Variants in NAV2 observed in about 807,000 individuals in gnomAD.
NAV2 encodes the protein helicase, APC down-regulated 1.
A neutral mutation model predicts 223.2 loss-of-function variants in NAV2; 54 were observed. The ratio of observed to expected loss-of-function variants is 0.24; its 90% confidence interval spans 0.19 to 0.30. The LOEUF (loss-of-function observed/expected upper bound fraction) is 0.30, where lower values mean the gene tolerates loss of function less well. Ranked by LOEUF, NAV2 falls within the 10% of genes least tolerant of loss-of-function variation. The pLI is 1.00. For synonymous variants in NAV2, 1,279 were observed against 1,239.3 expected, an observed-to-expected ratio of 1.03 and a Z score of -0.67; for missense variants, 2,806 against 3,147.5, an observed-to-expected ratio of 0.89 and a Z score of 2.60.
intron 1 of NAV2, among the ~76,000 whole-genome samples, chr11:19,382,175 C>A (rs1237710549): frequency 6.6e-6 from 1 of 152,152 alleles, no homozygotes; most frequent in African/African-American, 2.4e-5. Flanking sequence ...CTGAATGGCG[C>A]CTGAGGGGGA....
chr11:19,838,698 A>C (rs1415111491), intron 2 of NAV2, among the ~76,000 whole-genome samples: 1 of 152,238 alleles, frequency 6.6e-6, no homozygotes, highest in East Asian at 1.9e-4. Flanking sequence ...ATCTTGGCTC[A>C]CTGAGGCCTC....
At chr11:19,956,357 G>GACACAC (rs1175384430) in intron 10 of NAV2, among the ~76,000 whole-genome samples, 2 of 144,602 alleles carry the variant, frequency 1.4e-5, no homozygotes, top group African/African-American at 5.0e-5. Context: ...CCACACCCCC[G>GACACAC]ACACACATAC....
intron 11 of NAV2, among the ~76,000 whole-genome samples, chr11:19,994,929 C>A (rs1275075999): frequency 6.6e-6 from 1 of 152,222 alleles, no homozygotes; most frequent in African/African-American, 2.4e-5. Context: ...CCAGTGACTA[C>A]TCTCTGTCCT....
chr11:19,693,551 C>T (rs1295144718), intron 1 of NAV2, among the ~76,000 whole-genome samples: 1 of 152,198 alleles, frequency 6.6e-6, no homozygotes, highest in Non-Finnish European at 1.5e-5. Context: ...ATTTAGAAAA[C>T]ATTGCCCTTG....
upstream of NAV2, among the ~76,000 whole-genome samples, chr11:19,348,610 C>T (rs1411896626): frequency 1.3e-5 from 2 of 152,190 alleles, no homozygotes; most frequent in Admixed American, 6.5e-5. Flanking sequence ...ACAGCATGCC[C>T]TTAACAGAGA....
intron 6 of NAV2, among the ~76,000 whole-genome samples, chr11:19,911,355 G>A (rs1338092039): frequency 5.3e-5 from 8 of 152,172 alleles, no homozygotes; most frequent in South Asian, 2.1e-4. Context: ...TAAGGAAAGC[G>A]TATTCTAGAC....
At chr11:19,401,826 T>C (rs1849699155) in intron 1 of NAV2, 2 of 152,224 alleles carry the variant, frequency 1.3e-5, no homozygotes, top group African/African-American at 4.8e-5. Flanking sequence ...CAGACCACTC[T>C]GAAAATTTAA....
chr11:19,911,576 C>T (rs12290496), intron 6 of NAV2, among the ~76,000 whole-genome samples: 9,715 of 152,166 alleles, frequency 0.064, 1,051 homozygotes, highest in African/African-American at 0.22. Flanking sequence ...ATTGAGAGGA[C>T]GGTGGCCAAA....
chr11:19,973,440 G>A (rs900003519), intron 10 of NAV2, among the ~76,000 whole-genome samples: 2 of 152,202 alleles, frequency 1.3e-5, no homozygotes, highest in South Asian at 4.1e-4. Flanking sequence ...TGATTGGCAG[G>A]TGTGTTTCAG....
At chr11:19,935,864 T>TTTTTTG (rs2045834188) in intron 7 of NAV2, among the ~76,000 whole-genome samples, 7 of 101,154 alleles carry the variant, frequency 6.9e-5, no homozygotes, top group African/African-American at 2.4e-4. Context: ...TTTTTTTTTT[T>TTTTTTG]TTTTTTTTTT....
At chr11:20,010,580 T>C (rs1417738433) in intron 11 of NAV2, among the ~76,000 whole-genome samples, 1 of 152,168 alleles carries the variant, frequency 6.6e-6, no homozygotes, top group Non-Finnish European at 1.5e-5. Flanking sequence ...CAGCTTTAAA[T>C]GTCCTTGGAT....
chr11:19,562,780 G>A (rs1323227959), intron 1 of NAV2, among the ~76,000 whole-genome samples: 2 of 152,180 alleles, frequency 1.3e-5, no homozygotes, highest in Admixed American at 1.3e-4. Flanking sequence ...ATGTCTCCTA[G>A]TCTATAGATC....
rs1453348447 is a variant in NAV2 at position 19,957,387 on chromosome 11, AG to A, written c.2645+8309del. ...GGTCTCTTTTCCTAAGCAGCTCTCT[AG>A]GTAGAGTGAGCAAGCGCAGAGTCAT... is the stretch of plus-strand genomic sequence containing the variant. On this transcript the variant is annotated intron_variant, in intron 10 of 37. Coordinates refer to ENST00000349880, the MANE Select transcript of NAV2 (RefSeq NM_145117.5). Among the ~76,000 whole-genome samples, 110 of 152,324 alleles carry A rather than the reference AG, an allele frequency of 7.2e-4. 1 individual carries two copies. Among genetic ancestry groups the A allele is most frequent in the African/African-American group, 2.6e-3 (107 of 41,576 alleles).
intron 1 of NAV2, among the ~76,000 whole-genome samples, chr11:19,531,598 A>G (rs961331272): frequency 6.6e-6 from 1 of 152,214 alleles, no homozygotes; most frequent in Non-Finnish European, 1.5e-5. Context: ...GGCCTGAACA[A>G]CTGGAGGGAT....
At chr11:19,449,267 A>T (rs1851700726) in intron 1 of NAV2, among the ~76,000 whole-genome samples, 1 of 152,012 alleles carries the variant, frequency 6.6e-6, no homozygotes, top group Admixed American at 6.6e-5. Context: ...AACACTCCCC[A>T]AGAGAAGATT....
At chr11:19,659,455 T>G (rs1157350318) in intron 1 of NAV2, among the ~76,000 whole-genome samples, 1 of 152,154 alleles carries the variant, frequency 6.6e-6, no homozygotes, top group Non-Finnish European at 1.5e-5. Context: ...TGGGGGGTGA[T>G]GTGCTCTAAT....
At chr11:19,387,139 TATACAC>T (rs1483251620) in intron 1 of NAV2, among the ~76,000 whole-genome samples, 1 of 152,202 alleles carries the variant, frequency 6.6e-6, no homozygotes, top group African/African-American at 2.4e-5. Context: ...ACACTCTCTG[TATACAC>T]ATACACGAGA....
intron 1 of NAV2, among the ~76,000 whole-genome samples, chr11:19,582,076 A>G (rs547536694): frequency 0.011 from 1,630 of 152,296 alleles, 47 homozygotes; most frequent in African/African-American, 0.038. Context: ...ATGAGATGGT[A>G]TCTCATTGTG....
chr11:19,478,666 C>A (rs542343323), intron 1 of NAV2, among the ~76,000 whole-genome samples: 1 of 152,188 alleles, frequency 6.6e-6, no homozygotes, highest in Non-Finnish European at 1.5e-5. Context: ...CTTGACCAAC[C>A]AAGACAAAAG....
Sources: gnomAD v4.1 joint callset for allele counts (sites outside exome capture counted in the v4.1 genomes callset) on GRCh38, gnomAD v4.1.1 for gene constraint, MANE v1.5 for transcripts, NCBI Gene and HGNC (gene_info 2026-07-23, HGNC 2026-07-21) for gene names.